The following ALG10 variants were observed in gnomAD, a reference collection of about 807,000 sequenced individuals.
ALG10 encodes the protein dol-P-Glc:Glc(2)Man(9)GlcNAc(2)-PP-Dol alpha-1,2-glucosyltransferase A.
ALG10 carries 25 observed loss-of-function variants against 39.2 expected under a neutral mutation model. That is an observed-to-expected ratio of 0.64 (90% CI 0.46 to 0.89). The LOEUF (loss-of-function observed/expected upper bound fraction) is 0.89, where lower values mean the gene tolerates loss of function less well. Ranked by LOEUF, ALG10 falls within the 40% of genes least tolerant of loss-of-function variation. ALG10 has a pLI of 0.00. For synonymous variants in ALG10, 184 were observed against 193.9 expected, an observed-to-expected ratio of 0.95 and a Z score of 0.42; for missense variants, 486 against 546.6, an observed-to-expected ratio of 0.89 and a Z score of 1.11.
chr12:34,025,501 A>G (rs775346467), intron 2 of ALG10, among the ~76,000 whole-genome samples: 5 of 152,208 alleles, frequency 3.3e-5, no homozygotes, highest in Non-Finnish European at 7.3e-5. Context: ...ACATAAGCTC[A>G]GGGAAATGGA....
chr12:34,026,101 A>T lies in ALG10; in HGVS notation c.608A>T (p.Gln203Leu). 6.2e-7 allele frequency: 1 copy of T among 1,614,130 alleles called. No individual in the cohort carries two copies. The highest frequency in any genetic ancestry group is 8.5e-7 in the Non-Finnish European group (1 of 1,179,968). ...AVFCAGNVIA[Q>L]KLTEAWKTEL... ...TTCTGTGCAGGAAATGTCATTGCAC[A>T]AAAGTTAACGGAGGCTTGGAAAACT... Residue 203 changes from glutamine to leucine, a missense_variant, in exon 3 of 3, where the codon CAA becomes CTA. Coordinates refer to ENST00000266483, the MANE Select transcript of ALG10 (RefSeq NM_032834.4).
Position 34,026,800 on chromosome 12 carries a change from G to GACTC in ALG10, c.1309_1312dup (p.Ile438ThrfsTer4), listed in dbSNP as rs1942838250. On this transcript the variant is annotated frameshift_variant, in exon 3 of 3. Transcript: ENST00000266483. LOFTEE classifies it high-confidence loss of function. ...AACATACCTCTGCCTCCCACATCCA[G>GACTC]ACTCATTTGTGAACTGAGCTGCTAT... 6.2e-7 allele frequency: 1 copy of GACTC among 1,613,752 alleles called. No homozygotes were observed. The highest frequency in any genetic ancestry group is 1.3e-5 in the African/African-American group (1 of 74,894).
intron 1 of ALG10, chr12:34,023,089 G>A: frequency 3.2e-6 from 1 of 311,872 alleles, no homozygotes; most frequent in Non-Finnish European, 5.9e-6. Context: ...GCATTCGGGT[G>A]CTCCTTGGAA....
At chr12:34,023,833 T>G in intron 1 of ALG10, 129 bp from the exon 2 acceptor site, 1 of 1,286,164 alleles carries the variant, frequency 7.8e-7, no homozygotes, top group South Asian at 1.2e-5. Context: ...AGGACTTACT[T>G]AATCTTGTCA....
chr12:34,022,700 C>T lies in ALG10; in HGVS notation c.101C>T (p.Pro34Leu), dbSNP rs1278766456. 1.9e-6 allele frequency: 3 copies of T among 1,614,028 alleles called. No individual in the cohort carries two copies. Among genetic ancestry groups the T allele is most frequent in the Non-Finnish European group, 2.5e-6 (3 of 1,179,982 alleles). Residue 34 changes from proline (P) to leucine (L), a missense_variant, in exon 1 of 3, where the codon CCC (proline) becomes CTC (leucine). Transcript: ENST00000266483. ...FSAFSRALRE[P>L]YMDEIFHLPQ... ...GCCTTCAGCCGGGCGTTGCGAGAGC[C>T]CTACATGGACGAGATCTTCCACCTG...
In ALG10 at chr12:34,026,193, C is replaced by T; in HGVS notation, c.700C>T (p.Leu234Phe). The T allele has an allele frequency of 6.2e-7, 1 of 1,614,056 alleles. No individual in the cohort carries two copies. Among genetic ancestry groups the T allele is most frequent in the South Asian group, 1.1e-5 (1 of 91,084 alleles). The change falls in exon 3 of 3, where the codon CTT becomes TTT. Residue 234 changes from leucine (L) to phenylalanine (F), a missense_variant. Coordinates refer to ENST00000266483, the MANE Select transcript of ALG10 (RefSeq NM_032834.4). ...KGPFAEFRKI[L>F]QFLLAYSMSF... is the part of the protein sequence containing the mutation. ...ACCATTTGCAGAATTCAGAAAAATT[C>T]TTCAGTTTCTTTTGGCTTATTCCAT...
chr12:34,023,657 A>G (rs1591869618), intron 1 of ALG10: 1 of 393,080 alleles, frequency 2.5e-6, no homozygotes, highest in Admixed American at 3.8e-5. Context: ...GCTTTTAAAA[A>G]CTGGAACATT....
Position 34,027,092 on chromosome 12 carries a change from T to G in ALG10, c.*177T>G. On this transcript the variant is annotated 3_prime_UTR_variant, in exon 3 of 3. Transcript: ENST00000266483. Reference sequence around the variant, plus strand: ...TGTAAGAAATTAAGTGGCAAAGAACTGAGAAAGCTTAAGACCTGCTTCAAA... The same window carrying G: ...TGTAAGAAATTAAGTGGCAAAGAACGGAGAAAGCTTAAGACCTGCTTCAAA... 3 of 647,692 alleles carry G rather than the reference T, an allele frequency of 4.6e-6. No individual in the cohort carries two copies. Among genetic ancestry groups the G allele is most frequent in the Non-Finnish European group, 7.1e-6 (3 of 422,102 alleles). The allele number at this position is 647,692 out of a possible 1,614,324, so 40.1% of individuals were successfully genotyped here. A position where few individuals can be genotyped will look rare whatever the true frequency, so the allele number is the denominator to read the frequency against.
chr12:34,024,506 G>C (rs1326748038), intron 2 of ALG10, among the ~76,000 whole-genome samples: 1 of 152,156 alleles, frequency 6.6e-6, no homozygotes, highest in Non-Finnish European at 1.5e-5. Context: ...AGGGAAAACA[G>C]ACTTTACCTG....
At chr12:34,025,112 G>T (rs76095071) in intron 2 of ALG10, among the ~76,000 whole-genome samples, 26,361 of 152,110 alleles carry the variant, frequency 0.17, 2,361 homozygotes, top group Non-Finnish European at 0.19. Context: ...AGTAGGTCAT[G>T]AATGCCCTTA....
rs770344594 is a variant in ALG10, at chr12:34,026,591, T to A, written c.1098T>A (p.Tyr366Ter). 5 of 1,613,964 alleles carry A rather than the reference T, an allele frequency of 3.1e-6. No individual in the cohort carries two copies. The highest frequency in any genetic ancestry group is 4.2e-6 in the Non-Finnish European group (5 of 1,179,898). Residue 366 changes from tyrosine to a stop codon, truncating the protein, a stop_gained, in exon 3 of 3, where the codon TAT becomes TAA. Coordinates refer to ENST00000266483, the MANE Select transcript of ALG10 (RefSeq NM_032834.4). LOFTEE classifies it high-confidence loss of function. ...TGTGGAAAAGAGTTTTTCAAAGATATGAAACTGTAAAATATTTGTTAGTTC... is the reference window on the plus strand; with the variant it reads ...TGTGGAAAAGAGTTTTTCAAAGATAAGAAACTGTAAAATATTTGTTAGTTC... ...FYVWKRVFQR[Y>*]ETVKYLLVPA...
In ALG10 at chr12:34,025,420, G is replaced by C. The variant is rs911389287; in HGVS notation, c.370-443G>C. 4.6e-5 allele frequency among the ~76,000 whole-genome samples: 7 copies of C among 152,116 alleles called. No individual in the cohort carries two copies. The South Asian group carries it at 6.2e-4, about 13-fold the overall frequency. ...GCATGTTTATATTCTCCCTTGTGTA[G>C]AGTTATGAAGGATTTCCTTAAAGGA... is the stretch of plus-strand genomic sequence containing the variant. On this transcript the variant is annotated intron_variant, in intron 2 of 2. Transcript: ENST00000266483.
At position 34,024,045 on chromosome 12, in the gene ALG10, G is replaced by A. The variant is rs1434115368; in HGVS notation, c.255G>A (p.Trp85Ter). The change falls in exon 2 of 3, where the codon TGG (tryptophan) becomes TGA (stop). Residue 85 changes from tryptophan (W) to a stop codon, truncating the protein, a stop_gained. Transcript: ENST00000266483. LOFTEE classifies it high-confidence loss of function. The part of the protein sequence containing the change: ...VIKPAIWIFG[W>*]SEHVVCSIGM... Reference sequence around the variant, plus strand: ...AACCTGCCATTTGGATCTTTGGATGGTCTGAACATGTTGTCTGCTCCATTG... The same window carrying A: ...AACCTGCCATTTGGATCTTTGGATGATCTGAACATGTTGTCTGCTCCATTG... The A allele has an allele frequency of 6.2e-7, 1 of 1,614,040 alleles. No individual in the cohort carries two copies. Among genetic ancestry groups the A allele is most frequent in the East Asian group, 2.2e-5 (1 of 44,874 alleles).
chr12:34,022,502 G>T lies in ALG10; in HGVS notation c.-98G>T, dbSNP rs550784512. 123 of 1,599,058 alleles carry T rather than the reference G, an allele frequency of 7.7e-5. No homozygotes were observed. In the East Asian group the frequency reaches 1.6e-3, roughly 21 times the overall value. On this transcript the variant is annotated 5_prime_UTR_variant, in exon 1 of 3. Transcript: ENST00000266483. ...TATGTGGCCCCGTCTGGCTAGTCCC[G>T]CCTAGCGCGCCCATTTCGAGCCCAA...
Position 34,026,266 on chromosome 12 carries a change from T to C in ALG10, c.773T>C (p.Ile258Thr). 6.2e-7 allele frequency: 1 copy of C among 1,614,158 alleles called. No homozygotes were observed. The highest frequency in any genetic ancestry group is 8.5e-7 in the Non-Finnish European group (1 of 1,179,978). ...SMLLLLTWPY[I>T]LLGFLFCAFV... ...CTTTTGCTTCTGACTTGGCCCTACATCCTTCTGGGATTTCTGTTTTGTGCT... is the reference window on the plus strand; with the variant it reads ...CTTTTGCTTCTGACTTGGCCCTACACCCTTCTGGGATTTCTGTTTTGTGCT... The change falls in exon 3 of 3, where the codon ATC becomes ACC. Residue 258 changes from isoleucine (I) to threonine (T), a missense_variant. Physicochemically the swap from Ile to Thr is moderately conservative, Grantham distance 89 (BLOSUM62 -1). Transcript: ENST00000266483.
Position 34,026,616 on chromosome 12 carries a change from C to T in ALG10, c.1123C>T (p.Pro375Ser). ...TGAAACTGTAAAATATTTGTTAGTT[C>T]CAGCCTATATATTTGCTGGTTGGAG... is the stretch of plus-strand genomic sequence containing the variant. ...RYETVKYLLV[P>S]AYIFAGWSIA... Residue 375 changes from proline (P) to serine (S), a missense_variant, in exon 3 of 3, where the codon CCA (proline) becomes TCA (serine). Pro to Ser is a moderately conservative substitution (Grantham distance 74). Coordinates refer to ENST00000266483, the MANE Select transcript of ALG10 (RefSeq NM_032834.4). The T allele has an allele frequency of 6.2e-7, 1 of 1,613,840 alleles. No homozygotes were observed. Among genetic ancestry groups the T allele is most frequent in the Non-Finnish European group, 8.5e-7 (1 of 1,179,868 alleles).
intron 2 of ALG10, 150 bp downstream of exon 2, chr12:34,024,309 A>G: frequency 1.1e-6 from 1 of 917,558 alleles, no homozygotes; most frequent in Non-Finnish European, 1.6e-6. Flanking sequence ...TAAATCCTCC[A>G]TCTCCATTTT....
rs773924160 is a variant in ALG10 at position 34,026,251 on chromosome 12, T to C, written c.758T>C (p.Leu253Pro). The C allele has an allele frequency of 6.2e-7, 1 of 1,614,158 alleles. No individual in the cohort carries two copies. Among genetic ancestry groups the C allele is most frequent in the South Asian group, 1.1e-5 (1 of 91,088 alleles). ...SFKNLSMLLL[L>P]TWPYILLGFL... ...AAAAACTTGAGTATGCTTTTGCTTCTGACTTGGCCCTACATCCTTCTGGGA... is the reference window on the plus strand; with the variant it reads ...AAAAACTTGAGTATGCTTTTGCTTCCGACTTGGCCCTACATCCTTCTGGGA... Residue 253 changes from leucine to proline, a missense_variant, in exon 3 of 3, where the codon CTG becomes CCG. Physicochemically the swap from Leu to Pro is moderately conservative, Grantham distance 98 (BLOSUM62 -3). Transcript: ENST00000266483.
chr12:34,024,558 T>C (rs1942811492), intron 2 of ALG10, among the ~76,000 whole-genome samples: 1 of 152,184 alleles, frequency 6.6e-6, no homozygotes, highest in Non-Finnish European at 1.5e-5. Flanking sequence ...TGGAGGTAGA[T>C]TGCCTGGGTT....
Sources: allele counts gnomAD v4.1 joint callset (sites outside exome capture counted in the v4.1 genomes callset), GRCh38; gene constraint gnomAD v4.1.1; transcripts MANE v1.5; gene names NCBI Gene and HGNC (gene_info 2026-07-23, HGNC 2026-07-21).